The following PID1 variants were observed in gnomAD, a reference collection of about 807,000 sequenced individuals.
PID1 encodes the protein phosphotyrosine interaction domain containing 1.
PID1 carries 10 observed loss-of-function variants against 19.1 expected under a neutral mutation model. The observed-to-expected ratio is 0.52, with a 90% CI of 0.32 to 0.89. The LOEUF (loss-of-function observed/expected upper bound fraction) is 0.89. Ranked by LOEUF, PID1 falls within the 40% of genes least tolerant of loss-of-function variation. The pLI is 0.03. For missense variants in PID1, 248 were observed against 285.3 expected (o/e 0.87, Z 0.94); for synonymous variants, 130 against 116.0 (o/e 1.12, Z -0.78).
At chr2:229,268,990 G>A (rs12468558) in intron 1 of PID1, among the ~76,000 whole-genome samples, 32,947 of 152,088 alleles carry the variant, frequency 0.22, 4,186 homozygotes, top group Non-Finnish European at 0.28. Context: ...GGAGAGTCAA[G>A]CAATACTCTT....
At chr2:229,051,254 T>C (rs2106183968) in intron 2 of PID1, among the ~76,000 whole-genome samples, 1 of 152,332 alleles carries the variant, frequency 6.6e-6, no homozygotes, top group Admixed American at 6.5e-5. Context: ...TAGAAAAATT[T>C]AATCGACTAA....
intron 1 of PID1, among the ~76,000 whole-genome samples, chr2:229,159,972 T>C (rs1690459439): frequency 6.6e-6 from 1 of 151,966 alleles, no homozygotes; most frequent in African/African-American, 2.4e-5. Flanking sequence ...CCAAGTTGGT[T>C]GGGAAAGAAA....
intron 2 of PID1, among the ~76,000 whole-genome samples, chr2:229,048,832 T>C (rs944878763): frequency 2.0e-5 from 3 of 152,158 alleles, no homozygotes; most frequent in Non-Finnish European, 4.4e-5. Context: ...AGTAACAGTA[T>C]TTTGGGTGTT....
chr2:229,269,651 G>T (rs1574773276), intron 1 of PID1, among the ~76,000 whole-genome samples: 1 of 152,212 alleles, frequency 6.6e-6, no homozygotes, highest in Admixed American at 6.5e-5. Context: ...TGCGCCACTG[G>T]TATCTGGTGC....
chr2:229,231,943 A>G, intron 1 of PID1: 1 of 1,550,516 alleles, frequency 6.4e-7, no homozygotes. Context: ...GAGGCTAGGA[A>G]GATCATGATC....
intron 2 of PID1, among the ~76,000 whole-genome samples, chr2:229,101,787 T>C (rs576180203): frequency 6.6e-6 from 1 of 152,298 alleles, no homozygotes; most frequent in South Asian, 2.1e-4. Context: ...AACTCGGGCA[T>C]TTGCAGAGCC....
chr2:229,227,575 A>G (rs2106263886), intron 1 of PID1, among the ~76,000 whole-genome samples: 1 of 152,310 alleles, frequency 6.6e-6, no homozygotes, highest in African/African-American at 2.4e-5. Flanking sequence ...TAAGCTTGCT[A>G]CAGAACTCTG....
At chr2:229,158,833 A>G (rs909767719) in intron 1 of PID1, among the ~76,000 whole-genome samples, 1 of 152,222 alleles carries the variant, frequency 6.6e-6, no homozygotes, top group African/African-American at 2.4e-5. Context: ...GCACAGAAAG[A>G]CAAACATTGC....
chr2:229,134,211 T>C (rs1031770227), intron 2 of PID1, among the ~76,000 whole-genome samples: 1 of 148,514 alleles, frequency 6.7e-6, no homozygotes, highest in Non-Finnish European at 1.5e-5. Context: ...ATTCTTTCAA[T>C]AACAATGTTT....
At chr2:229,252,731 A>G (rs1366433305) in intron 1 of PID1, among the ~76,000 whole-genome samples, 2 of 152,200 alleles carry the variant, frequency 1.3e-5, no homozygotes, top group Admixed American at 6.5e-5. Context: ...GCTGTACTCT[A>G]TACCTGAATA....
intron 1 of PID1, among the ~76,000 whole-genome samples, chr2:229,230,893 C>A (rs912703002): frequency 3.0e-4 from 45 of 151,982 alleles, no homozygotes; most frequent in African/African-American, 9.7e-4. Context: ...ATATATTACT[C>A]ATTTCTCTTG....
chr2:229,125,028 G>C (rs1695593953), intron 2 of PID1, among the ~76,000 whole-genome samples: 1 of 152,166 alleles, frequency 6.6e-6, no homozygotes, highest in African/African-American at 2.4e-5. Context: ...AAATGTGTAT[G>C]ACTATTTACC....
intron 1 of PID1, among the ~76,000 whole-genome samples, chr2:229,178,224 T>C (rs35557492): frequency 0.026 from 3,922 of 152,264 alleles, 74 homozygotes; most frequent in Middle Eastern, 0.058. Flanking sequence ...TGAATTTAAA[T>C]TGCAATTTCC....
At chr2:229,064,853 C>T (rs923135784) in intron 2 of PID1, among the ~76,000 whole-genome samples, 2 of 151,818 alleles carry the variant, frequency 1.3e-5, no homozygotes, top group Non-Finnish European at 2.9e-5. Context: ...GATGCTGATG[C>T]CAAAGAGAGC....
intron 2 of PID1, among the ~76,000 whole-genome samples, chr2:229,069,228 C>A (rs1354703788): frequency 6.8e-6 from 1 of 148,106 alleles, no homozygotes; most frequent in African/African-American, 2.5e-5. Context: ...TATTTTCTCC[C>A]ATATTTAAAC....
At chr2:229,170,725 C>T (rs1395099954) in intron 1 of PID1, among the ~76,000 whole-genome samples, 4 of 152,096 alleles carry the variant, frequency 2.6e-5, no homozygotes, top group East Asian at 1.9e-4. Context: ...ATCAAGTAGA[C>T]GCCTCTTCAT....
At chr2:229,093,712 C>T (rs1349355118) in intron 2 of PID1, among the ~76,000 whole-genome samples, 4 of 152,090 alleles carry the variant, frequency 2.6e-5, no homozygotes, top group African/African-American at 7.2e-5. Context: ...ACCATCATCT[C>T]AATAGATGCA....
chr2:229,238,509 T>G (rs906136976), intron 1 of PID1, among the ~76,000 whole-genome samples: 6 of 152,144 alleles, frequency 3.9e-5, no homozygotes, highest in African/African-American at 1.4e-4. Flanking sequence ...ACAGTACTTA[T>G]AAGAAAAGAG....
chr2:229,098,074 G>T (rs189042178), intron 2 of PID1, among the ~76,000 whole-genome samples: 1 of 152,192 alleles, frequency 6.6e-6, no homozygotes, highest in South Asian at 2.1e-4. Flanking sequence ...ATTGAATCAT[G>T]AGCCTATGCC....
Sources: gnomAD v4.1 joint callset for allele counts (sites outside exome capture counted in the v4.1 genomes callset) on GRCh38, gnomAD v4.1.1 for gene constraint, MANE v1.5 for transcripts, NCBI Gene and HGNC (gene_info 2026-07-23, HGNC 2026-07-21) for gene names.